The following ICA1 variants were observed in gnomAD, a reference collection of about 807,000 sequenced individuals.
ICA1 encodes the protein islet cell autoantigen 1.
Under a neutral mutation model 71.0 loss-of-function variants are expected in ICA1, and 40 were observed. The ratio of observed to expected loss-of-function variants is 0.56; its 90% CI spans 0.44 to 0.73. The LOEUF (loss-of-function observed/expected upper bound fraction) is 0.73. Ranked by LOEUF, ICA1 falls within the 30% of genes least tolerant of loss-of-function variation. ICA1 has a pLI of 0.00. For missense variants in ICA1, 578 were observed against 576.5 expected (o/e 1.00, Z -0.03); for synonymous variants, 207 against 209.5 (o/e 0.99, Z 0.10).
intron 4 of ICA1, chr7:8,227,794 C>T (rs185025002): frequency 2.3e-6 from 1 of 428,686 alleles, no homozygotes; most frequent in East Asian, 7.4e-5. Flanking sequence ...CTTTGTTGCC[C>T]AGGCTGGTCT....
At chr7:8,142,299 C>A (rs965310652) in intron 9 of ICA1, among the ~76,000 whole-genome samples, 2 of 152,192 alleles carry the variant, frequency 1.3e-5, no homozygotes, top group Non-Finnish European at 2.9e-5. Flanking sequence ...AACACAGAGA[C>A]ACATCACTGC....
intron 13 of ICA1, among the ~76,000 whole-genome samples, chr7:8,122,015 G>A (rs1787164739): frequency 6.6e-6 from 1 of 152,150 alleles, no homozygotes; most frequent in African/African-American, 2.4e-5. Flanking sequence ...GCTGGGGAGG[G>A]GGGACTCAAG....
intron 4 of ICA1, among the ~76,000 whole-genome samples, 194 bp from the exon 5 acceptor site, chr7:8,221,592 C>T (rs532112025): frequency 2.6e-5 from 4 of 152,252 alleles, no homozygotes; most frequent in East Asian, 1.9e-4. Context: ...ATTTACAATA[C>T]GAGAGATCAA....
chr7:8,237,819 G>GAC (rs57343882), intron 1 of ICA1, among the ~76,000 whole-genome samples: 6,926 of 141,988 alleles, frequency 0.049, 155 homozygotes, highest in Middle Eastern at 0.068. Flanking sequence ...GTTGAAGACA[G>GAC]ACACACACAC....
At position 8,123,488 on chromosome 7, in the gene ICA1, C is replaced by T. The variant is rs1787819805; in HGVS notation, c.1330+4385G>A. On this transcript the variant is annotated intron_variant, in intron 13 of 13. Transcript: ENST00000402384. The surrounding 1 kb of genome is among the most constrained non-coding windows in gnomAD (Gnocchi z 4.1). ...TGCCTGTCCCCGAGGACTCGGTGCC[C>T]CAGTCTCTCACGGAGAGCCAGGAAA... Among the ~76,000 whole-genome samples, 2 of 152,162 alleles carry T rather than the reference C, an allele frequency of 1.3e-5. No homozygotes were observed. The highest frequency in any genetic ancestry group is 3.9e-4 in the East Asian group (2 of 5,192).
intron 13 of ICA1, among the ~76,000 whole-genome samples, chr7:8,114,623 G>A (rs1279554317): frequency 2.0e-5 from 3 of 152,248 alleles, no homozygotes; most frequent in East Asian, 3.9e-4. Flanking sequence ...CTCCCAGGGG[G>A]TCAATTCCCC....
At chr7:8,156,929 TAAAAA>T in intron 8 of ICA1, 182 bp downstream of exon 8, 1 of 1,519,720 alleles carries the variant, frequency 6.6e-7, no homozygotes, top group Non-Finnish European at 8.8e-7. Flanking sequence ...CCTGATGCAG[TAAAAA>T]AAAAAAAAAA....
At chr7:8,194,238 C>G (rs961075875) in intron 6 of ICA1, among the ~76,000 whole-genome samples, 1 of 152,044 alleles carries the variant, frequency 6.6e-6, no homozygotes, top group Admixed American at 6.6e-5. Context: ...TATATTATAC[C>G]CTAGATCCCT....
intron 1 of ICA1, among the ~76,000 whole-genome samples, chr7:8,238,082 T>A (rs956019410): frequency 6.6e-6 from 1 of 152,204 alleles, no homozygotes; most frequent in East Asian, 1.9e-4. Flanking sequence ...AGTTGCAGTT[T>A]CCAAGAACTA....
chr7:8,119,218 G>C (rs1366669258), intron 13 of ICA1, among the ~76,000 whole-genome samples: 1 of 152,158 alleles, frequency 6.6e-6, no homozygotes, highest in Non-Finnish European at 1.5e-5. Flanking sequence ...TGGAGGGCCA[G>C]GAGCTTCCAG....
intron 4 of ICA1, 59 bp from the exon 5 acceptor site, chr7:8,221,457 A>G (rs1797045127): frequency 1.3e-6 from 2 of 1,579,364 alleles, no homozygotes; most frequent in South Asian, 2.2e-5. Context: ...TGCAAAGGGA[A>G]CAAGAAAGAC....
intron 12 of ICA1, among the ~76,000 whole-genome samples, chr7:8,131,905 C>G (rs976049018): frequency 2.0e-5 from 3 of 152,204 alleles, no homozygotes; most frequent in African/African-American, 7.2e-5. Flanking sequence ...AAGAAACTCC[C>G]AACTGGAGTC....
Position 8,222,696 on chromosome 7 carries a change from TGA to T in ICA1, c.257-1300_257-1299del, listed in dbSNP as rs564871449. ...AGAGGCTTTTAGAATCCATTTTTCC[TGA>T]GAGATAAATGATGACCCTGCTTCTC... On this transcript the variant is annotated intron_variant, in intron 4 of 13. Transcript: ENST00000402384. The surrounding 1 kb of genome is among the most constrained non-coding windows in gnomAD (Gnocchi z 4.8). Among the ~76,000 whole-genome samples, 427 of 152,348 alleles carry T rather than the reference TGA, an allele frequency of 2.8e-3. 7 individuals are homozygous for T. Among genetic ancestry groups the T allele is most frequent in the Non-Finnish European group, 3.1e-3 (214 of 68,044 alleles).
At chr7:8,117,549 A>G (rs1562489677) in intron 13 of ICA1, among the ~76,000 whole-genome samples, 4 of 152,146 alleles carry the variant, frequency 2.6e-5, no homozygotes, top group South Asian at 2.1e-4. Flanking sequence ...TTGTTTTTCA[A>G]TTTGCTCCAA....
intron 8 of ICA1, chr7:8,156,866 T>C (rs1801710215): frequency 6.6e-7 from 1 of 1,513,156 alleles, no homozygotes; most frequent in African/African-American, 1.4e-5. Context: ...TATCTCAAGG[T>C]TCAAGGTTCA....
At chr7:8,189,264 G>A (rs1329606293) in intron 6 of ICA1, among the ~76,000 whole-genome samples, 2 of 152,202 alleles carry the variant, frequency 1.3e-5, no homozygotes, top group Non-Finnish European at 2.9e-5. Flanking sequence ...TGAATAAAAT[G>A]AGGGTAGAGC....
At chr7:8,252,695 C>A (rs1808599533) in intron 1 of ICA1, among the ~76,000 whole-genome samples, 1 of 150,672 alleles carries the variant, frequency 6.6e-6, no homozygotes. Flanking sequence ...TTGTATATAT[C>A]TAAATTTTAT....
chr7:8,127,343 G>A (rs896844157), intron 13 of ICA1, among the ~76,000 whole-genome samples: 5 of 152,070 alleles, frequency 3.3e-5, no homozygotes, highest in Admixed American at 6.6e-5. Flanking sequence ...TGTGGCTGAG[G>A]AGGTAATGTT....
chr7:8,162,877 C>T (rs966099674), intron 6 of ICA1, among the ~76,000 whole-genome samples: 1 of 152,210 alleles, frequency 6.6e-6, no homozygotes, highest in Non-Finnish European at 1.5e-5. Flanking sequence ...AATTCTCCTG[C>T]CTCGGCCTCC....
Sources: allele counts gnomAD v4.1 joint callset (sites outside exome capture counted in the v4.1 genomes callset), GRCh38; gene constraint gnomAD v4.1.1; non-coding constraint Gnocchi (gnomAD v3.1); transcripts MANE v1.5; gene names NCBI Gene and HGNC (gene_info 2026-07-23, HGNC 2026-07-21).